Variants in NDUFAF6 observed in about 807,000 individuals in gnomAD.
The protein encoded by NDUFAF6 is NADH dehydrogenase (ubiquinone) complex I, assembly factor 6.
In NDUFAF6, 45 loss-of-function variants were observed where a neutral mutation model predicts 40.8. The observed-to-expected ratio is 1.10, with a 90% confidence interval of 0.87 to 1.42. NDUFAF6 has a LOEUF of 1.42. Ranked by LOEUF, NDUFAF6 falls within the 40% of genes most tolerant of loss-of-function variation. NDUFAF6 has a pLI of 0.00. For missense variants in NDUFAF6, 435 were observed against 418.5 expected (o/e 1.04, Z -0.34); for synonymous variants, 185 against 155.9 (o/e 1.19, Z -1.39).
intron 9 of NDUFAF6, among the ~76,000 whole-genome samples, chr8:95,071,118 C>A (rs1014326964): frequency 6.6e-6 from 1 of 151,948 alleles, no homozygotes; most frequent in Non-Finnish European, 1.5e-5. Context: ...CGGCCGGGCG[C>A]GGTGGCTCAA....
chr8:94,897,035 G>A (rs1817664717), intron 1 of NDUFAF6, among the ~76,000 whole-genome samples: 1 of 152,108 alleles, frequency 6.6e-6, no homozygotes, highest in Non-Finnish European at 1.5e-5. Flanking sequence ...CGCAGTTAGC[G>A]GTATAGCTAG....
chr8:94,932,182 G>A (rs930526868), intron 1 of NDUFAF6: 4 of 1,498,102 alleles, frequency 2.7e-6, no homozygotes, highest in South Asian at 1.2e-5. Context: ...CTATTAGGAC[G>A]TGGTCAACTT....
At chr8:95,115,080 C>G (rs1405123321) in intron 4 of NDUFAF6, among the ~76,000 whole-genome samples, 1 of 151,060 alleles carries the variant, frequency 6.6e-6, no homozygotes, top group Non-Finnish European at 1.5e-5. Flanking sequence ...AAAAAAGTGT[C>G]TATTGAGATA....
chr8:95,050,125 A>G (rs1044372332), intron 7 of NDUFAF6, among the ~76,000 whole-genome samples: 2 of 152,236 alleles, frequency 1.3e-5, no homozygotes, highest in African/African-American at 2.4e-5. Flanking sequence ...ACACTACAGA[A>G]TCATGAGAGG....
intron 1 of NDUFAF6, among the ~76,000 whole-genome samples, chr8:94,904,785 C>T (rs1344779192): frequency 2.0e-5 from 3 of 152,084 alleles, no homozygotes; most frequent in Non-Finnish European, 4.4e-5. Context: ...TGGTTTGTCA[C>T]CTTCTGCTTC....
At chr8:94,976,449 GCCAA>G (rs1824946369) in intron 1 of NDUFAF6, among the ~76,000 whole-genome samples, 1 of 147,920 alleles carries the variant, frequency 6.8e-6, no homozygotes, top group Non-Finnish European at 1.5e-5. Flanking sequence ...GTTGCAGTGA[GCCAA>G]GATCCCGCCA....
At chr8:95,011,520 C>G (rs144684934) in intron 2 of NDUFAF6, among the ~76,000 whole-genome samples, 3 of 152,140 alleles carry the variant, frequency 2.0e-5, no homozygotes, top group Non-Finnish European at 4.4e-5. Flanking sequence ...ATGGTAAGAA[C>G]GGAGAGTGAC....
intron 2 of NDUFAF6, among the ~76,000 whole-genome samples, chr8:94,995,038 C>T (rs898969766): frequency 1.3e-5 from 2 of 152,200 alleles, no homozygotes; most frequent in African/African-American, 4.8e-5. Context: ...ATTTTCATTG[C>T]AGCATTATTC....
chr8:95,036,390 C>G (rs1436188366), intron 3 of NDUFAF6: 1 of 1,289,302 alleles, frequency 7.8e-7, no homozygotes, highest in Non-Finnish European at 1.0e-6. Flanking sequence ...CCAGCAGAGG[C>G]AGGCCCAGTT....
At chr8:95,064,568 C>CGT (rs111697859) in intron 9 of NDUFAF6, among the ~76,000 whole-genome samples, 30 of 151,640 alleles carry the variant, frequency 2.0e-4, no homozygotes, top group African/African-American at 5.8e-4. Context: ...TGTGTGCGCG[C>CGT]GTGCGTGTGC....
At chr8:95,040,489 G>A (rs1182004520) in intron 3 of NDUFAF6, among the ~76,000 whole-genome samples, 1 of 152,140 alleles carries the variant, frequency 6.6e-6, no homozygotes, top group Admixed American at 6.6e-5. Flanking sequence ...GCCATTAATG[G>A]TTCTTGTCTG....
exon 2 of NDUFAF6, chr8:94,945,562 T>G (rs769686214): frequency 6.6e-5 from 10 of 152,270 alleles, no homozygotes; most frequent in African/African-American, 9.6e-5. Flanking sequence ...ACTGCTACTG[T>G]TGACCTTGGC....
At chr8:94,999,806 C>G (rs1369914235) in intron 2 of NDUFAF6, among the ~76,000 whole-genome samples, 1 of 152,158 alleles carries the variant, frequency 6.6e-6, no homozygotes, top group Non-Finnish European at 1.5e-5. Context: ...TTGAAAAATT[C>G]TGGACTACAT....
chr8:94,925,549 C>CTT (rs1287916481), intron 1 of NDUFAF6, among the ~76,000 whole-genome samples: 1,737 of 135,366 alleles, frequency 0.013, 48 homozygotes, highest in African/African-American at 0.045. Context: ...AAAAGAAATC[C>CTT]TTTTTTTTTT....
intron 1 of NDUFAF6, chr8:94,927,281 T>C (rs1245519148): frequency 6.6e-6 from 1 of 152,536 alleles, no homozygotes; most frequent in African/African-American, 2.4e-5. Flanking sequence ...ATGTATTTCA[T>C]TGAGGAGGAA....
At chr8:94,927,912 C>CA (rs34997272) in intron 1 of NDUFAF6, 7,506 of 148,782 alleles carry the variant, frequency 0.05, 308 homozygotes, top group African/African-American at 0.11. Flanking sequence ...TTTACAATAG[C>CA]AAAAAAAAAA....
At chr8:95,092,872 C>T (rs942297669) in intron 2 of NDUFAF6, among the ~76,000 whole-genome samples, 8 of 152,168 alleles carry the variant, frequency 5.3e-5, no homozygotes, top group Non-Finnish European at 7.4e-5. Flanking sequence ...CGTTAGCCAC[C>T]GCTCCCGGCC....
chr8:94,979,371 A>G (rs1352204526), intron 1 of NDUFAF6, among the ~76,000 whole-genome samples: 1 of 152,126 alleles, frequency 6.6e-6, no homozygotes, highest in African/African-American at 2.4e-5. Context: ...CACTTCCTTG[A>G]GGAATGCTGC....
chr8:95,037,907 A>G (rs1470685998), intron 3 of NDUFAF6, among the ~76,000 whole-genome samples: 5 of 152,216 alleles, frequency 3.3e-5, no homozygotes, highest in Non-Finnish European at 5.9e-5. Flanking sequence ...ACACCTCTAT[A>G]CCCTTTATCC....
Sources: allele counts gnomAD v4.1 joint callset (sites outside exome capture counted in the v4.1 genomes callset), GRCh38; gene constraint gnomAD v4.1.1; transcripts MANE v1.5; gene names NCBI Gene and HGNC (gene_info 2026-07-23, HGNC 2026-07-21).